SRD5A2: variants seen among roughly 807,000 people sequenced by gnomAD.
The protein encoded by SRD5A2 is 3-oxo-5-alpha-steroid 4-dehydrogenase 2.
In SRD5A2, 30 loss-of-function variants were observed where a neutral mutation model predicts 27.4. The observed-to-expected ratio is 1.10, with a 90% CI of 0.82 to 1.49. SRD5A2 has a LOEUF of 1.49. Ranked by LOEUF, SRD5A2 falls within the 40% of genes most tolerant of loss-of-function variation. The pLI, the probability that SRD5A2 is intolerant of heterozygous loss-of-function variation, is 0.00. For synonymous variants in SRD5A2, 141 were observed against 133.6 expected (o/e 1.06, Z -0.38); for missense variants, 348 against 323.4 (o/e 1.08, Z -0.58).
intron 1 of SRD5A2, among the ~76,000 whole-genome samples, chr2:31,554,098 G>A (rs1003246016): frequency 1.3e-5 from 2 of 152,058 alleles, no homozygotes; most frequent in Non-Finnish European, 1.5e-5. Context: ...TCTACTACTT[G>A]TTATCTTCCA....
chr2:31,617,156 T>C, the SRD5A2 span, among the ~76,000 whole-genome samples: 2 of 152,202 alleles, frequency 1.3e-5, no homozygotes, highest in African/African-American at 2.4e-5. Context: ...TTTTTCTTTA[T>C]AAATTACCCA....
At chr2:31,621,412 T>C in the SRD5A2 span, among the ~76,000 whole-genome samples, 5 of 152,128 alleles carry the variant, frequency 3.3e-5, no homozygotes, top group African/African-American at 9.6e-5. Flanking sequence ...TCCTTGAGGA[T>C]TCATCCATGT....
intron 1 of SRD5A2, among the ~76,000 whole-genome samples, chr2:31,539,638 C>T (rs1237994705): frequency 6.6e-6 from 1 of 152,132 alleles, no homozygotes; most frequent in African/African-American, 2.4e-5. Flanking sequence ...TTCTTAACTC[C>T]ACATCCTCCT....
upstream of SRD5A2, among the ~76,000 whole-genome samples, chr2:31,584,851 G>C (rs866862243): frequency 1.9e-4 from 29 of 152,346 alleles, no homozygotes; most frequent in African/African-American, 6.7e-4. Context: ...ACTCAAGTGA[G>C]CACTTGCAGT....
the SRD5A2 span, among the ~76,000 whole-genome samples, chr2:31,638,768 AT>A: frequency 6.6e-6 from 1 of 150,486 alleles, no homozygotes; most frequent in East Asian, 1.9e-4. Context: ...TGCATAAAAT[AT>A]TTTTTCCACC....
At chr2:31,662,677 T>C in the SRD5A2 span, among the ~76,000 whole-genome samples, 1 of 152,104 alleles carries the variant, frequency 6.6e-6, no homozygotes, top group African/African-American at 2.4e-5. Context: ...AGTCCTGTAA[T>C]ATGGTCTTTA....
the SRD5A2 span, among the ~76,000 whole-genome samples, chr2:31,604,042 T>C: frequency 2.6e-5 from 4 of 151,880 alleles, no homozygotes; most frequent in African/African-American, 9.7e-5. Context: ...CATATATCCC[T>C]GAACTTAAAA....
chr2:31,643,015 TGG>T, the SRD5A2 span, among the ~76,000 whole-genome samples: 1 of 152,120 alleles, frequency 6.6e-6, no homozygotes, highest in Non-Finnish European at 1.5e-5. Flanking sequence ...AATAGTTATC[TGG>T]GCAGGAGGGA....
At chr2:31,633,552 T>C in the SRD5A2 span, among the ~76,000 whole-genome samples, 2 of 152,170 alleles carry the variant, frequency 1.3e-5, no homozygotes, top group African/African-American at 4.8e-5. Context: ...ATGCAGTCCA[T>C]GACTAAGATC....
the SRD5A2 span, among the ~76,000 whole-genome samples, chr2:31,610,059 C>T: frequency 2.0e-5 from 3 of 152,156 alleles, no homozygotes; most frequent in East Asian, 3.9e-4. Context: ...ACACAGGACC[C>T]CAAAGCCTTC....
the SRD5A2 span, among the ~76,000 whole-genome samples, chr2:31,620,396 T>C: frequency 6.6e-6 from 1 of 152,244 alleles, no homozygotes; most frequent in Admixed American, 6.6e-5. Context: ...AGCCAAACTA[T>C]CTTTGTTTGC....
At chr2:31,559,077 T>A (rs541860347) in intron 1 of SRD5A2, among the ~76,000 whole-genome samples, 2 of 152,326 alleles carry the variant, frequency 1.3e-5, no homozygotes, top group South Asian at 4.1e-4. Flanking sequence ...CCCACCACCA[T>A]GGCCAGATCT....
chr2:31,569,868 GA>G (rs1666817592), intron 1 of SRD5A2, among the ~76,000 whole-genome samples: 1 of 152,004 alleles, frequency 6.6e-6, no homozygotes, highest in Admixed American at 6.6e-5. Flanking sequence ...AAAAGCCAAA[GA>G]AAAATGGAAA....
At chr2:31,633,626 C>T in the SRD5A2 span, among the ~76,000 whole-genome samples, 2 of 152,162 alleles carry the variant, frequency 1.3e-5, no homozygotes, top group Non-Finnish European at 2.9e-5. Context: ...CGAAGGCACC[C>T]CTCCCGAGGA....
chr2:31,595,782 G>A, the SRD5A2 span, among the ~76,000 whole-genome samples: 2 of 152,042 alleles, frequency 1.3e-5, no homozygotes, highest in African/African-American at 2.4e-5. Flanking sequence ...TATTCCTGGT[G>A]AGCATAGATG....
chr2:31,580,539 G>GTGCGCGCTCCACGC, intron 1 of SRD5A2, 81 bp downstream of exon 1: 1 of 1,410,680 alleles, frequency 7.1e-7, no homozygotes, highest in Non-Finnish European at 9.3e-7. Context: ...GCGTTCCTCG[G>GTGCGCGCTCCACGC]TGCGCGCTCC....
intron 1 of SRD5A2, 35 bp from the exon 2 acceptor site, chr2:31,533,801 T>G: frequency 6.3e-7 from 1 of 1,580,508 alleles, no homozygotes; most frequent in Non-Finnish European, 8.6e-7. Context: ...TAGGATTCAC[T>G]GTTAAAAAAG....
chr2:31,660,514 A>T, the SRD5A2 span, among the ~76,000 whole-genome samples: 1 of 151,882 alleles, frequency 6.6e-6, no homozygotes, highest in Non-Finnish European at 1.5e-5. Flanking sequence ...CCTAAAGTAA[A>T]CTTATGGACT....
the SRD5A2 span, among the ~76,000 whole-genome samples, chr2:31,586,666 G>A: frequency 1.3e-5 from 2 of 152,170 alleles, no homozygotes; most frequent in African/African-American, 4.8e-5. Context: ...TCTAGAAACT[G>A]CAAGAACCAT....
Sources: allele counts gnomAD v4.1 joint callset (sites outside exome capture counted in the v4.1 genomes callset), GRCh38; gene constraint gnomAD v4.1.1; transcripts MANE v1.5; gene names NCBI Gene and HGNC (gene_info 2026-07-23, HGNC 2026-07-21).